IQCM: variants seen among roughly 807,000 people sequenced by gnomAD.
IQCM encodes IQ motif containing M.
In IQCM, 45 loss-of-function variants were observed where a neutral mutation model predicts 57.6. That is an observed-to-expected ratio of 0.78 (90% confidence interval 0.62 to 1.00). IQCM has a LOEUF of 1.00. Among genes scored for constraint, IQCM ranks in the 50% least tolerant of loss-of-function variants. IQCM has a pLI of 0.00. For synonymous variants in IQCM, 148 were observed against 158.9 expected, an observed-to-expected ratio of 0.93 and a Z score of 0.51; for missense variants, 468 against 511.6, an observed-to-expected ratio of 0.91 and a Z score of 0.82.
rs1209123453 is a variant in IQCM, at chr4:149,433,499, A to G, written c.1287T>C (p.Phe429=). 24 of 1,208,240 alleles carry G rather than the reference A, an allele frequency of 2.0e-5. No homozygotes were observed. Among genetic ancestry groups the G allele is most frequent in the Non-Finnish European group, 2.4e-5 (23 of 966,666 alleles). The allele number at this position is 1,208,240 out of a possible 1,614,324, so 74.8% of individuals were successfully genotyped here. A position where few individuals can be genotyped will look rare whatever the true frequency, so the allele number is the denominator to read the frequency against. ...IKKSKAIEML[F]TLYPPEGAHV... ...GTGCACCTTCAGGAGGATAGAGTGTAAATAACATTTCAATTGCTTTGGACT... is the reference window on the plus strand; with the variant it reads ...GTGCACCTTCAGGAGGATAGAGTGTGAATAACATTTCAATTGCTTTGGACT... The change falls in exon 13 of 14, where the codon TTT becomes TTC. Residue 429 remains phenylalanine, a synonymous_variant. Coordinates refer to ENST00000636793, the MANE Select transcript of IQCM (RefSeq NM_001363507.2).
At chr4:149,417,927 T>A (rs1400438371) in intron 13 of IQCM, among the ~76,000 whole-genome samples, 1 of 151,220 alleles carries the variant, frequency 6.6e-6, no homozygotes, top group Non-Finnish European at 1.5e-5. Flanking sequence ...ATGATAATTA[T>A]CACCTATATA....
intron 10 of IQCM, among the ~76,000 whole-genome samples, chr4:149,558,439 C>A (rs1749791220): frequency 6.6e-6 from 1 of 151,930 alleles, no homozygotes; most frequent in Non-Finnish European, 1.5e-5. Context: ...TAGTATGGGC[C>A]AAGAATGTAC....
Position 149,397,351 on chromosome 4 carries a change from G to C in IQCM, c.1390+36045C>G, listed in dbSNP as rs1345532979. ...TTGGCAATTGGTATAGTTTGACTCTGTGTCCCCACCCAAATCGAATCTCGA... is the reference window on the plus strand; with the variant it reads ...TTGGCAATTGGTATAGTTTGACTCTCTGTCCCCACCCAAATCGAATCTCGA... On this transcript the variant is annotated intron_variant, in intron 13 of 13. Coordinates refer to ENST00000636793, the MANE Select transcript of IQCM (RefSeq NM_001363507.2). 3.3e-5 allele frequency among the ~76,000 whole-genome samples: 5 copies of C among 151,996 alleles called. No homozygotes were observed. In the East Asian group the frequency reaches 9.7e-4, roughly 30 times the overall value.
chr4:149,596,881 C>T (rs1753827415), intron 8 of IQCM, among the ~76,000 whole-genome samples: 1 of 152,104 alleles, frequency 6.6e-6, no homozygotes, highest in Non-Finnish European at 1.5e-5. Context: ...GTTTAACCCA[C>T]ACTTCTAAGA....
chr4:149,408,238 G>A (rs1454745100), intron 13 of IQCM, among the ~76,000 whole-genome samples: 2 of 152,118 alleles, frequency 1.3e-5, no homozygotes, highest in Non-Finnish European at 2.9e-5. Flanking sequence ...CCAACTTATT[G>A]TGACATATGG....
chr4:149,355,917 C>G lies in IQCM; in HGVS notation c.1391-3851G>C, dbSNP rs1728941387. Among the ~76,000 whole-genome samples the G allele has an allele frequency of 2.0e-5, 3 of 152,092 alleles. No homozygotes were observed. The South Asian group carries it at 6.4e-4, about 32-fold the overall frequency. Reference sequence around the variant, plus strand: ...CTCTCCAGCACCTGTTGTTTCCTGACTTTTTAATGATCGCCATTCTAACTG... The same window carrying G: ...CTCTCCAGCACCTGTTGTTTCCTGAGTTTTTAATGATCGCCATTCTAACTG... On this transcript the variant is annotated intron_variant, in intron 13 of 13. Coordinates refer to ENST00000636793, the MANE Select transcript of IQCM (RefSeq NM_001363507.2).
chr4:149,529,100 A>G (rs1746473887), intron 12 of IQCM, among the ~76,000 whole-genome samples: 2 of 152,048 alleles, frequency 1.3e-5, no homozygotes, highest in African/African-American at 2.4e-5. Flanking sequence ...GTCTCACTCC[A>G]TCACTCAGGC....
intron 13 of IQCM, among the ~76,000 whole-genome samples, chr4:149,376,422 C>G (rs913233850): frequency 9.2e-5 from 14 of 152,038 alleles, no homozygotes; most frequent in African/African-American, 3.4e-4. Flanking sequence ...CGATAAACTG[C>G]AGAGAGATAC....
intron 12 of IQCM, among the ~76,000 whole-genome samples, chr4:149,537,525 G>T (rs1455691383): frequency 1.3e-5 from 2 of 151,856 alleles, no homozygotes; most frequent in Non-Finnish European, 2.9e-5. Context: ...AAGGAAAGGA[G>T]AGAGAAGGAA....
At chr4:149,660,356 A>T (rs1360780472) in intron 7 of IQCM, among the ~76,000 whole-genome samples, 1 of 152,298 alleles carries the variant, frequency 6.6e-6, no homozygotes, top group Non-Finnish European at 1.5e-5. Context: ...GGATATGGAG[A>T]AATAGGAACA....
At chr4:149,608,745 G>GTTGT in intron 8 of IQCM, among the ~76,000 whole-genome samples, 1 of 151,760 alleles carries the variant, frequency 6.6e-6, no homozygotes, top group Admixed American at 6.6e-5. Context: ...CAAAACCTAT[G>GTTGT]GGATACAGCC....
At chr4:149,374,319 G>A (rs1254842584) in intron 13 of IQCM, among the ~76,000 whole-genome samples, 2 of 151,930 alleles carry the variant, frequency 1.3e-5, no homozygotes, top group Non-Finnish European at 2.9e-5. Flanking sequence ...TCCTGCCCTG[G>A]GTTTTGACTG....
At chr4:149,683,330 T>A (rs930189130) in intron 6 of IQCM, among the ~76,000 whole-genome samples, 1 of 151,312 alleles carries the variant, frequency 6.6e-6, no homozygotes, top group African/African-American at 2.4e-5. Flanking sequence ...TTGAAAATTA[T>A]ATAAATCTTA....
At chr4:149,578,459 T>A (rs1751865421) in intron 9 of IQCM, among the ~76,000 whole-genome samples, 1 of 151,722 alleles carries the variant, frequency 6.6e-6, no homozygotes, top group South Asian at 2.1e-4. Flanking sequence ...TGACCAGAGT[T>A]GTCAATTTTT....
At chr4:149,388,517 A>ATATATATATAT (rs1361129363) in intron 13 of IQCM, among the ~76,000 whole-genome samples, 3 of 138,862 alleles carry the variant, frequency 2.2e-5, no homozygotes, top group African/African-American at 8.1e-5. Context: ...TATTATACAT[A>ATATATATATAT]TATATTATAT....
intron 13 of IQCM, among the ~76,000 whole-genome samples, chr4:149,380,492 T>A (rs2111030045): frequency 6.6e-6 from 1 of 152,270 alleles, no homozygotes; most frequent in South Asian, 2.1e-4. Flanking sequence ...TTAAGAATTT[T>A]ATAATACTGG....
intron 2 of IQCM, among the ~76,000 whole-genome samples, chr4:149,758,858 C>A (rs1252763268): frequency 6.6e-6 from 1 of 152,120 alleles, no homozygotes; most frequent in African/African-American, 2.4e-5. Context: ...GGTGGGAATG[C>A]GAAATGATAC....
At chr4:149,419,564 T>C (rs1733982826) in intron 13 of IQCM, among the ~76,000 whole-genome samples, 1 of 152,084 alleles carries the variant, frequency 6.6e-6, no homozygotes, top group African/African-American at 2.4e-5. Context: ...GGCAATACCA[T>C]TCAGGACATA....
At chr4:149,411,588 G>C (rs1733386620) in intron 13 of IQCM, among the ~76,000 whole-genome samples, 1 of 151,954 alleles carries the variant, frequency 6.6e-6, no homozygotes, top group African/African-American at 2.4e-5. Flanking sequence ...CCCAGACAAA[G>C]AGAAGAAAAA....
Sources: gnomAD v4.1 joint callset for allele counts (sites outside exome capture counted in the v4.1 genomes callset) on GRCh38, gnomAD v4.1.1 for gene constraint, MANE v1.5 for transcripts, NCBI Gene and HGNC (gene_info 2026-07-23, HGNC 2026-07-21) for gene names.